Variants in FZD3 observed in about 807,000 individuals in gnomAD.
FZD3 encodes frizzled-3.
In FZD3, 30 loss-of-function variants were observed where a neutral mutation model predicts 60.7. The observed-to-expected ratio is 0.49, with a 90% CI of 0.37 to 0.67. FZD3 has a LOEUF of 0.67. FZD3 is among the 30% of genes least tolerant of loss of function. The pLI is 0.00. For missense variants in FZD3, 605 were observed against 838.7 expected (o/e 0.72, Z 3.44); for synonymous variants, 246 against 275.2 (o/e 0.89, Z 1.05).
chr8:28,544,812 TG>T (rs1805257431), intron 5 of FZD3, among the ~76,000 whole-genome samples: 1 of 152,172 alleles, frequency 6.6e-6, no homozygotes. Flanking sequence ...TACCTGAAAC[TG>T]GGTAATTTTT....
intron 3 of FZD3, among the ~76,000 whole-genome samples, chr8:28,517,159 T>C (rs1479115937): frequency 6.6e-6 from 1 of 152,222 alleles, no homozygotes; most frequent in Non-Finnish European, 1.5e-5. Context: ...TAATTTTTCT[T>C]TTTTTGTCTA....
At chr8:28,548,295 GT>G (rs201507644) in intron 5 of FZD3, among the ~76,000 whole-genome samples, 3,229 of 151,652 alleles carry the variant, frequency 0.021, 106 homozygotes, top group African/African-American at 0.074. Flanking sequence ...TTGAATTTTT[GT>G]TTTTTTGTTT....
At chr8:28,532,099 C>T (rs352207) in intron 5 of FZD3, among the ~76,000 whole-genome samples, 3,897 of 152,288 alleles carry the variant, frequency 0.026, 203 homozygotes, top group African/African-American at 0.088. Context: ...AATAGTTCAT[C>T]TATTTCAATT....
chr8:28,561,436 A>G (rs1168358380), intron 7 of FZD3, among the ~76,000 whole-genome samples: 1 of 152,198 alleles, frequency 6.6e-6, no homozygotes, highest in Non-Finnish European at 1.5e-5. Context: ...TGTGACTAGA[A>G]GATCACCTCT....
chr8:28,502,236 T>C (rs1254976774), intron 2 of FZD3, among the ~76,000 whole-genome samples: 1 of 152,214 alleles, frequency 6.6e-6, no homozygotes, highest in East Asian at 1.9e-4. Flanking sequence ...TGCCTTCTGC[T>C]ACATCAGTTA....
rs1196962249 is a variant in FZD3, at chr8:28,572,782, G to A, written c.*9771G>A. The A allele has an allele frequency of 1.3e-5, 2 of 151,916 alleles. No homozygotes were observed. The highest frequency in any genetic ancestry group is 2.9e-5 in the Non-Finnish European group (2 of 67,940). 9.4% of individuals were successfully genotyped at this position (151,916 alleles called of 1,614,324 possible). A position where few individuals can be genotyped will look rare whatever the true frequency, so the allele number is the denominator to read the frequency against. ...AATTTGCCATAAAATGCCATTTAAG[G>A]ATTTTCTTTTTACCTTTATTTCATT... On this transcript the variant is annotated 3_prime_UTR_variant, in exon 8 of 8. Coordinates refer to ENST00000240093, the MANE Select transcript of FZD3 (RefSeq NM_017412.4).
At position 28,551,667 on chromosome 8, in the gene FZD3, T is replaced by A; in HGVS notation, c.1469T>A (p.Val490Asp). Residue 490 changes from valine to aspartate, a missense_variant, in exon 6 of 8, where the codon GTT becomes GAT. Val to Asp is a radical substitution (Grantham distance 152). Coordinates refer to ENST00000240093, the MANE Select transcript of FZD3 (RefSeq NM_017412.4). ...ATGAAATACCTGATGGCTCTCATAG[T>A]TGGCATTCCCTCTGTATTTTGGGTT... ...FLMKYLMALI[V>D]GIPSVFWVGS... 6.2e-7 allele frequency: 1 copy of A among 1,611,780 alleles called. No individual in the cohort carries two copies. Among genetic ancestry groups the A allele is most frequent in the Non-Finnish European group, 8.5e-7 (1 of 1,177,986 alleles).
chr8:28,499,724 C>G (rs921598474), intron 1 of FZD3, among the ~76,000 whole-genome samples: 1 of 151,930 alleles, frequency 6.6e-6, no homozygotes, highest in Non-Finnish European at 1.5e-5. Flanking sequence ...GGCAAAAAAT[C>G]TTATCTCACA....
intron 3 of FZD3, among the ~76,000 whole-genome samples, chr8:28,503,875 CCATAGTTT>C (rs1388290224): frequency 6.6e-6 from 1 of 152,130 alleles, no homozygotes; most frequent in African/African-American, 2.4e-5. Context: ...AACTTTCTCA[CCATAGTTT>C]CTTTGCTTGT....
intron 5 of FZD3, among the ~76,000 whole-genome samples, chr8:28,543,904 A>G (rs1805234496): frequency 1.3e-5 from 2 of 152,022 alleles, no homozygotes; most frequent in African/African-American, 4.8e-5. Flanking sequence ...ACCTATTCCA[A>G]CTCCTTAATT....
chr8:28,510,908 G>A (rs989890775), intron 3 of FZD3, among the ~76,000 whole-genome samples: 4 of 151,162 alleles, frequency 2.6e-5, no homozygotes, highest in African/African-American at 9.7e-5. Context: ...GTGGTGGTGG[G>A]CACATGTAAT....
intron 3 of FZD3, among the ~76,000 whole-genome samples, chr8:28,513,430 A>G (rs1383770789): frequency 6.6e-6 from 1 of 152,220 alleles, no homozygotes; most frequent in Non-Finnish European, 1.5e-5. Flanking sequence ...AAACTCACTG[A>G]AAAAGTATTG....
intron 5 of FZD3, among the ~76,000 whole-genome samples, chr8:28,543,754 T>G (rs1805229990): frequency 6.6e-6 from 1 of 152,090 alleles, no homozygotes; most frequent in Admixed American, 6.5e-5. Context: ...ATGGTTAACA[T>G]GTATATTTTA....
intron 5 of FZD3, among the ~76,000 whole-genome samples, chr8:28,549,187 C>T (rs965548206): frequency 1.3e-5 from 2 of 152,140 alleles, no homozygotes; most frequent in African/African-American, 4.8e-5. Flanking sequence ...TCCAAATTTC[C>T]TCCTCTTATA....
At chr8:28,552,331 T>A (rs1251176988) in intron 6 of FZD3, among the ~76,000 whole-genome samples, 3 of 152,182 alleles carry the variant, frequency 2.0e-5, no homozygotes, top group Non-Finnish European at 2.9e-5. Flanking sequence ...TTAATTGAAA[T>A]GTGTTAGAGG....
chr8:28,524,737 A>T (rs1804671462), intron 4 of FZD3, among the ~76,000 whole-genome samples: 2 of 129,976 alleles, frequency 1.5e-5, no homozygotes, highest in Admixed American at 1.7e-4. Context: ...GATGACTCCT[A>T]AACCTAAGTC....
intron 3 of FZD3, among the ~76,000 whole-genome samples, chr8:28,505,969 C>T (rs552944132): frequency 4.6e-5 from 7 of 152,176 alleles, no homozygotes; most frequent in African/African-American, 7.2e-5. Flanking sequence ...ACACATGCTA[C>T]GTTTTTCTAA....
intron 7 of FZD3, 146 bp downstream of exon 7, chr8:28,556,117 C>T (rs1805503821): frequency 1.6e-6 from 1 of 628,498 alleles, no homozygotes; most frequent in African/African-American, 1.8e-5. Context: ...AGACTATGGT[C>T]AGACTTAAAG....
chr8:28,543,719 CAA>C (rs199814192), intron 5 of FZD3, among the ~76,000 whole-genome samples: 10 of 128,720 alleles, frequency 7.8e-5, no homozygotes, highest in Admixed American at 7.7e-5. Flanking sequence ...TTTTGTAAGC[CAA>C]AAAAAAAAAA....
Sources: allele counts gnomAD v4.1 joint callset (sites outside exome capture counted in the v4.1 genomes callset), GRCh38; gene constraint gnomAD v4.1.1; transcripts MANE v1.5; gene names NCBI Gene and HGNC (gene_info 2026-07-23, HGNC 2026-07-21).